Variants in GCN1 observed in about 807,000 individuals in gnomAD.
The protein encoded by GCN1 is GCN1 activator of EIF2AK4, also known as stalled ribosome sensor GCN1.
GCN1 carries 90 observed loss-of-function variants against 288.4 expected under a neutral mutation model. The ratio of observed to expected loss-of-function variants is 0.31; its 90% CI spans 0.26 to 0.37. GCN1 has a LOEUF of 0.37. Ranked by LOEUF, GCN1 falls within the 10% of genes least tolerant of loss-of-function variation. The pLI is 1.00. For synonymous variants in GCN1, 1,386 were observed against 1,420.2 expected, an observed-to-expected ratio of 0.98 and a Z score of 0.54; for missense variants, 2,586 against 3,419.9, an observed-to-expected ratio of 0.76 and a Z score of 6.08.
intron 15 of GCN1, among the ~76,000 whole-genome samples, chr12:120,169,276 CAAAAAAAAAAAAAAAA>C (rs35819206): frequency 1.0e-4 from 7 of 66,674 alleles, no homozygotes; most frequent in Non-Finnish European, 2.6e-5. Flanking sequence ...AACTCCGTCT[CAAAAAAAAAAAAAAAA>C]AAAGAAAAAA....
chr12:120,129,602 C>T (rs2240312), intron 56 of GCN1, 108 bp from the exon 57 acceptor site: 3 of 789,888 alleles, frequency 3.8e-6, no homozygotes, highest in Admixed American at 3.8e-5. Context: ...ACACTGACCC[C>T]CCCTGCTCCT....
In GCN1 at chr12:120,142,587, G is replaced by A. The variant is rs1283511981; in HGVS notation, c.5749C>T (p.Arg1917Cys). ...GTGGGTAGGATCTCACGCAAGGTGCGGGGGGTATTGGAGACAACAATCTTC... is the reference window on the plus strand; with the variant it reads ...GTGGGTAGGATCTCACGCAAGGTGCAGGGGGTATTGGAGACAACAATCTTC... ...VWKIVVSNTPRTLREILPTLF... is the reference protein window; with the variant it reads ...VWKIVVSNTPCTLREILPTLF... The change falls in exon 44 of 58, where the codon CGC becomes TGC. Residue 1917 changes from arginine (R) to cysteine (C), a missense_variant. Physicochemically the swap from Arg to Cys is radical, Grantham distance 180. Around this residue, in one of 8 missense-constraint regions of GCN1, gnomAD observed 437 missense variants for 570.5 expected, o/e 0.77. Transcript: ENST00000300648. The surrounding 1 kb of genome is among the most constrained non-coding windows in gnomAD (Gnocchi z 4.9). 2.0e-5 allele frequency: 32 copies of A among 1,613,482 alleles called. No individual in the cohort carries two copies. The highest frequency in any genetic ancestry group is 1.7e-4 in the Admixed American group (10 of 60,000).
intron 11 of GCN1, 99 bp from the exon 12 acceptor site, chr12:120,175,311 G>T: frequency 2.8e-6 from 3 of 1,085,814 alleles, no homozygotes; most frequent in South Asian, 1.3e-5. Flanking sequence ...TACGGTTTCT[G>T]ATTCCAGAAG....
chr12:120,136,472 A>G (rs1174009273), intron 51 of GCN1, 30 bp downstream of exon 51: 1 of 1,527,934 alleles, frequency 6.5e-7, no homozygotes, highest in Non-Finnish European at 9.1e-7. Flanking sequence ...CCTGTTCTCT[A>G]AGATCTGAAC....
At chr12:120,167,272 G>GCCT (rs1308525741) in intron 16 of GCN1, among the ~76,000 whole-genome samples, 1 of 148,852 alleles carries the variant, frequency 6.7e-6, no homozygotes, top group African/African-American at 2.5e-5. Flanking sequence ...AGAACCGCTT[G>GCCT]AACCCAGGGG....
intron 1 of GCN1, 73 bp from the exon 2 acceptor site, chr12:120,190,473 G>T (rs1348111467): frequency 4.7e-6 from 4 of 846,898 alleles, no homozygotes; most frequent in Non-Finnish European, 8.2e-6. Flanking sequence ...TGAGGGGTGG[G>T]TGTAGAATTT....
Position 120,155,074 on chromosome 12 carries a change from G to A in GCN1, c.3631-34C>T, listed in dbSNP as rs199730616. 57 of 1,591,238 alleles carry A rather than the reference G, an allele frequency of 3.6e-5. No individual in the cohort carries two copies. The East Asian group carries it at 7.6e-4, about 21-fold the overall frequency. On this transcript the variant is annotated intron_variant, in intron 30 of 57. Transcript: ENST00000300648. The surrounding 1 kb of genome is among the most constrained non-coding windows in gnomAD (Gnocchi z 4.9). Reference sequence around the variant, plus strand: ...GACAAGTTGGTAAATGCTTTGCAACGGGCAGATCAATGACCTGGGCACCAG... The same window carrying A: ...GACAAGTTGGTAAATGCTTTGCAACAGGCAGATCAATGACCTGGGCACCAG...
rs1203559213 is a variant in GCN1, at chr12:120,147,136, C to G, written c.4863G>C (p.Gln1621His). 2 of 1,612,550 alleles carry G rather than the reference C, an allele frequency of 1.2e-6. No homozygotes were observed. The highest frequency in any genetic ancestry group is 2.7e-5 in the African/African-American group (2 of 74,890). ...CCGTGGAACGGTCCTGGAAGGCTCT[C>G]TGGACAATGGGCATGATGAGGGCCA... ...PSLALIMPIV[Q>H]RAFQDRSTDT... is the part of the protein sequence containing the mutation. The change falls in exon 38 of 58, where the codon CAG (glutamine) becomes CAC (histidine). Residue 1621 changes from glutamine (Q) to histidine (H), a missense_variant. Transcript: ENST00000300648.
Position 120,175,722 on chromosome 12 carries a change from G to A in GCN1, c.1042+24C>T, listed in dbSNP as rs189913493. ...ACCAGGGGCCACGCCTCAACCACCC[G>A]CATGGCCAAGAAGGCTTGCTCACCT... On this transcript the variant is annotated intron_variant, in intron 11 of 57. Coordinates refer to ENST00000300648, the MANE Select transcript of GCN1 (RefSeq NM_006836.2). 563 of 1,601,208 alleles carry A rather than the reference G, an allele frequency of 3.5e-4. 1 individual carries two copies. In the African/African-American group the frequency reaches 4.6e-3, roughly 13 times the overall value.
rs751713972 is a variant in GCN1, at chr12:120,142,790, C to T, written c.5613+34G>A. Reference sequence around the variant, plus strand: ...GGCATGGGCATCAGGGCACACCCTACCATCAGCAGGGGCAGGAAAGCCACT... The same window carrying T: ...GGCATGGGCATCAGGGCACACCCTATCATCAGCAGGGGCAGGAAAGCCACT... On this transcript the variant is annotated intron_variant, in intron 43 of 57. Transcript: ENST00000300648. The surrounding 1 kb of genome is among the most constrained non-coding windows in gnomAD (Gnocchi z 4.9). 2 of 1,597,928 alleles carry T rather than the reference C, an allele frequency of 1.3e-6. No individual in the cohort carries two copies. The highest frequency in any genetic ancestry group is 1.1e-5 in the South Asian group (1 of 90,748).
At position 120,155,863 on chromosome 12, in the gene GCN1, C is replaced by T. The variant is rs1877730014; in HGVS notation, c.3313-144G>A. 2 of 711,998 alleles carry T rather than the reference C, an allele frequency of 2.8e-6. No individual in the cohort carries two copies. The highest frequency in any genetic ancestry group is 4.1e-5 in the South Asian group (2 of 48,204). 44.1% of individuals were successfully genotyped at this position (711,998 alleles called of 1,614,324 possible). A position where few individuals can be genotyped will look rare whatever the true frequency, so the allele number is the denominator to read the frequency against. ...AAAGTTAAATCAATTAAAATTAACT[C>T]TAAGTAAGTTCCTTAGAGTGTGAGG... On this transcript the variant is annotated intron_variant, in intron 28 of 57. Transcript: ENST00000300648. The surrounding 1 kb of genome is among the most constrained non-coding windows in gnomAD (Gnocchi z 4.9).
intron 3 of GCN1, 65 bp downstream of exon 3, chr12:120,184,759 C>T (rs1295771401): frequency 2.5e-6 from 3 of 1,190,676 alleles, no homozygotes; most frequent in Admixed American, 1.7e-5. Flanking sequence ...TGGGCTCTAA[C>T]CACTACTCTA....
chr12:120,160,337 C>T, intron 22 of GCN1, 82 bp from the exon 23 acceptor site: 1 of 957,898 alleles, frequency 1.0e-6, no homozygotes, highest in Non-Finnish European at 1.7e-6. Flanking sequence ...AGCTTGCTTC[C>T]ACACAAACAG....
intron 9 of GCN1, among the ~76,000 whole-genome samples, 154 bp from the exon 10 acceptor site, chr12:120,176,371 G>T (rs1206967339): frequency 1.3e-5 from 2 of 152,178 alleles, no homozygotes; most frequent in African/African-American, 4.8e-5. Context: ...CTGCTGAAAA[G>T]CTGTATACCT....
chr12:120,139,664 C>A (rs996008358), intron 45 of GCN1, among the ~76,000 whole-genome samples: 1 of 152,072 alleles, frequency 6.6e-6, no homozygotes, highest in Non-Finnish European at 1.5e-5. Context: ...TGATGCACCC[C>A]CATGTATCCT....
At chr12:120,175,904 A>G (rs769414821) in intron 10 of GCN1, 30 bp from the exon 11 acceptor site, 5 of 1,587,824 alleles carry the variant, frequency 3.1e-6, no homozygotes, top group Non-Finnish European at 4.3e-6. Flanking sequence ...GCTCAGAAGC[A>G]GCCAACAACT....
chr12:120,167,133 A>G (rs1594279519), intron 16 of GCN1, among the ~76,000 whole-genome samples: 2 of 152,070 alleles, frequency 1.3e-5, no homozygotes, highest in African/African-American at 4.8e-5. Context: ...TGAGGTCGGG[A>G]GTTCGAGACC....
In GCN1 at chr12:120,170,217, C is replaced by T; in HGVS notation, c.1471G>A (p.Ala491Thr). The change falls in exon 15 of 58, where the codon GCC becomes ACC. Residue 491 changes from alanine to threonine, a missense_variant. Transcript: ENST00000300648. ...TQVPTITEGV[A>T]AALLLLKLSV... is the part of the protein sequence containing the mutation. ...AACTTTAAGAGCAACAAGGCTGCGG[C>T]AACCCCTTCAGTGATGGTGGGAACC... 1 of 1,614,154 alleles carries T rather than the reference C, an allele frequency of 6.2e-7. No individual in the cohort carries two copies. The highest frequency in any genetic ancestry group is 8.5e-7 in the Non-Finnish European group (1 of 1,179,990).
At position 120,137,749 on chromosome 12, in the gene GCN1, G is replaced by C. The variant is rs201585823; in HGVS notation, c.6459C>G (p.Ile2153Met). 476 of 1,613,986 alleles carry C rather than the reference G, an allele frequency of 2.9e-4. 8 individuals are homozygous for C. In the East Asian group the frequency reaches 0.011, roughly 36 times the overall value. Residue 2153 changes from isoleucine (I) to methionine (M), a missense_variant, in exon 49 of 58, where the codon ATC (isoleucine) becomes ATG (methionine). Transcript: ENST00000300648. The surrounding 1 kb of genome is among the most constrained non-coding windows in gnomAD (Gnocchi z 5.2). ...VEDDTGHRIIIEDLLEATRSP... is the reference protein window; with the variant it reads ...VEDDTGHRIIMEDLLEATRSP... ...TGCGGGTGGCCTCCAGCAGATCCTCGATGATGATCCGGTGCCCTGTGTCAT... is the reference window on the plus strand; with the variant it reads ...TGCGGGTGGCCTCCAGCAGATCCTCCATGATGATCCGGTGCCCTGTGTCAT...
Sources: allele counts gnomAD v4.1 joint callset (sites outside exome capture counted in the v4.1 genomes callset), GRCh38; gene constraint gnomAD v4.1.1; regional missense constraint gnomAD v4.1.1; non-coding constraint Gnocchi (gnomAD v3.1); transcripts MANE v1.5; gene names NCBI Gene and HGNC (gene_info 2026-07-23, HGNC 2026-07-21).